HOOK1: variants seen among roughly 807,000 people sequenced by gnomAD.
The protein encoded by HOOK1 is hook microtubule tethering protein 1.
Under a neutral mutation model 112.8 loss-of-function variants are expected in HOOK1, and 60 were observed. The observed-to-expected ratio is 0.53, with a 90% CI of 0.43 to 0.66. HOOK1 has a LOEUF of 0.66. Ranked by LOEUF, HOOK1 falls within the 30% of genes least tolerant of loss-of-function variation. The pLI is 0.00. For synonymous variants in HOOK1, 294 were observed against 283.8 expected (o/e 1.04, Z -0.36); for missense variants, 770 against 856.0 (o/e 0.90, Z 1.25).
intron 2 of HOOK1, among the ~76,000 whole-genome samples, chr1:59,823,799 TG>T (rs2098387730): frequency 6.6e-6 from 1 of 152,258 alleles, no homozygotes; most frequent in Non-Finnish European, 1.5e-5. Flanking sequence ...TCCCTCTCTG[TG>T]CTTTTTCTTT....
intron 12 of HOOK1, among the ~76,000 whole-genome samples, chr1:59,856,707 A>C (rs1279466895): frequency 6.6e-6 from 1 of 152,050 alleles, no homozygotes; most frequent in Non-Finnish European, 1.5e-5. Flanking sequence ...CAGTTACCAC[A>C]GTGGTTAGTT....
chr1:59,857,536 G>C (rs2098411346), intron 12 of HOOK1, among the ~76,000 whole-genome samples: 1 of 152,138 alleles, frequency 6.6e-6, no homozygotes, highest in Non-Finnish European at 1.5e-5. Flanking sequence ...GATTTACAGA[G>C]GTCTTTGTGC....
intron 12 of HOOK1, among the ~76,000 whole-genome samples, chr1:59,851,276 T>C (rs1389774069): frequency 1.3e-5 from 2 of 151,660 alleles, no homozygotes; most frequent in Non-Finnish European, 3.0e-5. Context: ...ATGTTGCCAC[T>C]TAACAGTATT....
At chr1:59,852,229 T>C (rs1299421448) in intron 12 of HOOK1, among the ~76,000 whole-genome samples, 3 of 151,762 alleles carry the variant, frequency 2.0e-5, no homozygotes, top group Non-Finnish European at 4.4e-5. Context: ...AAAATTGGTA[T>C]TAATTCTTCT....
chr1:59,839,241 A>G (rs944703019), intron 7 of HOOK1, among the ~76,000 whole-genome samples: 1 of 152,150 alleles, frequency 6.6e-6, no homozygotes, highest in Middle Eastern at 3.2e-3. Context: ...GAAGAAAGTC[A>G]GTGGTAGCTT....
At chr1:59,872,398 A>C (rs1370473774) in intron 21 of HOOK1, among the ~76,000 whole-genome samples, 1 of 152,220 alleles carries the variant, frequency 6.6e-6, no homozygotes, top group African/African-American at 2.4e-5. Flanking sequence ...TATTTTTAAC[A>C]AATTCCCAGG....
chr1:59,815,113 C>G lies in HOOK1; in HGVS notation c.-5C>G, dbSNP rs770620727. On this transcript the variant is annotated 5_prime_UTR_variant, in exon 1 of 22. Coordinates refer to ENST00000371208, the MANE Select transcript of HOOK1 (RefSeq NM_015888.6). Reference sequence around the variant, plus strand: ...TCCGCGGCGTCGTCGACGGCGGCGCCGGCCATGGAGGAGACGCAGCCGCCG... The same window carrying G: ...TCCGCGGCGTCGTCGACGGCGGCGCGGGCCATGGAGGAGACGCAGCCGCCG... The G allele has an allele frequency of 2.2e-4, 338 of 1,540,462 alleles. 1 individual carries two copies. In the Middle Eastern group the frequency reaches 9.4e-3, roughly 43 times the overall value.
chr1:59,841,896 T>C (rs1398836430), intron 8 of HOOK1, among the ~76,000 whole-genome samples: 4 of 152,102 alleles, frequency 2.6e-5, no homozygotes, highest in African/African-American at 4.8e-5. Context: ...ATTGAACTTA[T>C]CACCATGAGA....
chr1:59,816,861 T>A (rs937381015), intron 1 of HOOK1, among the ~76,000 whole-genome samples: 4 of 152,252 alleles, frequency 2.6e-5, no homozygotes, highest in African/African-American at 9.6e-5. Context: ...TGCAAACTGT[T>A]GCCTCTACTA....
At chr1:59,855,942 T>TTA (rs57109724) in intron 12 of HOOK1, among the ~76,000 whole-genome samples, 3,641 of 96,446 alleles carry the variant, frequency 0.038, 118 homozygotes, top group Non-Finnish European at 0.054. Context: ...CCCAGCTAAT[T>TTA]TATATATATA....
At chr1:59,867,765 T>G (rs928313975) in intron 19 of HOOK1, among the ~76,000 whole-genome samples, 1 of 152,158 alleles carries the variant, frequency 6.6e-6, no homozygotes, top group Non-Finnish European at 1.5e-5. Context: ...ATATTGATCT[T>G]ATATATTGAA....
At chr1:59,831,401 A>G (rs2102018237) in intron 3 of HOOK1, among the ~76,000 whole-genome samples, 1 of 152,264 alleles carries the variant, frequency 6.6e-6, no homozygotes, top group Admixed American at 6.5e-5. Flanking sequence ...GAATTTCAAA[A>G]ATTTTTTGGC....
chr1:59,824,705 T>A (rs1310549025), intron 2 of HOOK1, among the ~76,000 whole-genome samples: 1 of 152,218 alleles, frequency 6.6e-6, no homozygotes, highest in African/African-American at 2.4e-5. Context: ...GTGTCTAAAC[T>A]GTTTAACTTA....
rs2098391665 is a variant in HOOK1, at chr1:59,828,663, GTATTGT to G, written c.150-112_150-107del. The G allele has an allele frequency of 2.0e-5, 14 of 700,930 alleles. No individual in the cohort carries two copies. In the South Asian group the frequency reaches 2.9e-4, roughly 14 times the overall value. The allele number at this position is 700,930 out of a possible 1,614,324, so 43.4% of individuals were successfully genotyped here. A position where few individuals can be genotyped will look rare whatever the true frequency, so the allele number is the denominator to read the frequency against. ...ATTATTGCTATATAAGTAATATTCAGTATTGTTATTAAGGATAGGCTTTAAGACATA... is the reference window on the plus strand; with the variant it reads ...ATTATTGCTATATAAGTAATATTCAGTATTAAGGATAGGCTTTAAGACATA... On this transcript the variant is annotated intron_variant, in intron 2 of 21. Transcript: ENST00000371208.
intron 1 of HOOK1, among the ~76,000 whole-genome samples, chr1:59,821,422 A>G (rs777871454): frequency 2.0e-5 from 3 of 152,328 alleles, no homozygotes; most frequent in Non-Finnish European, 4.4e-5. Context: ...GATAAACTGT[A>G]AGTAGGTTTA....
intron 8 of HOOK1, among the ~76,000 whole-genome samples, chr1:59,840,761 T>TC (rs910057440): frequency 4.5e-4 from 68 of 152,006 alleles, no homozygotes; most frequent in African/African-American, 1.4e-3. Flanking sequence ...ACCTGACACT[T>TC]CCCCCCCAGT....
intron 3 of HOOK1, among the ~76,000 whole-genome samples, chr1:59,830,900 GT>G (rs748434935): frequency 8.0e-4 from 110 of 137,806 alleles, no homozygotes; most frequent in Middle Eastern, 3.9e-3. Flanking sequence ...TTTTTTTTAA[GT>G]TTTTTTTTTT....
At chr1:59,823,837 G>A (rs997477046) in intron 2 of HOOK1, among the ~76,000 whole-genome samples, 2 of 152,110 alleles carry the variant, frequency 1.3e-5, no homozygotes. Flanking sequence ...GTCTGTAACA[G>A]TCTTCTAAGA....
intron 15 of HOOK1, among the ~76,000 whole-genome samples, chr1:59,862,164 T>A (rs529363688): frequency 8.8e-4 from 134 of 152,326 alleles, no homozygotes; most frequent in Non-Finnish European, 1.5e-3. Context: ...TATTATGTGA[T>A]AACTGCAACA....
Sources: allele counts gnomAD v4.1 joint callset (sites outside exome capture counted in the v4.1 genomes callset), GRCh38; gene constraint gnomAD v4.1.1; transcripts MANE v1.5; gene names NCBI Gene and HGNC (gene_info 2026-07-23, HGNC 2026-07-21).